The following FCMR variants were observed in gnomAD, a reference collection of about 807,000 sequenced individuals.
FCMR encodes Fc mu receptor.
Under a neutral mutation model 41.6 loss-of-function variants are expected in FCMR, and 34 were observed. That is an observed-to-expected ratio of 0.82 (90% confidence interval 0.62 to 1.09). FCMR has a LOEUF of 1.09. FCMR is among the 50% of genes least tolerant of loss of function. The probability of loss-of-function intolerance (pLI) is 0.00; values close to 1 mark genes in which losing one functional copy is unlikely to be tolerated. For synonymous variants in FCMR, 209 were observed against 211.8 expected, an observed-to-expected ratio of 0.99 and a Z score of 0.12; for missense variants, 496 against 512.5, an observed-to-expected ratio of 0.97 and a Z score of 0.31.
chr1:206,907,637 C>T, intron 7 of FCMR: 1 of 759,252 alleles, frequency 1.3e-6, no homozygotes, highest in Non-Finnish European at 2.4e-6. Flanking sequence ...GGTGCAGGTC[C>T]TGGTGCTTGA....
At position 206,913,818 on chromosome 1, in the gene FCMR, C is replaced by T; in HGVS notation, c.314G>A (p.Gly105Glu). 1 of 1,614,214 alleles carries T rather than the reference C, an allele frequency of 6.2e-7. No individual in the cohort carries two copies. Among genetic ancestry groups the T allele is most frequent in the Non-Finnish European group, 8.5e-7 (1 of 1,180,032 alleles). ...TESDSGVYAC[G>E]AGMNTDRGKT... ...TCCCCGGTCTGTGTTCATGCCCGCT[C>T]CGCAGGCATAGACTCCGCTGTCACT... is the stretch of plus-strand genomic sequence containing the variant. Residue 105 changes from glycine to glutamate, a missense_variant, in exon 2 of 8, where the codon GGA (glycine) becomes GAA (glutamate). Transcript: ENST00000367091.
rs200620995 is a variant in FCMR at position 206,913,949 on chromosome 1, C to T, written c.183G>A (p.Val61=). The change falls in exon 2 of 8, where the codon GTG becomes GTA. Residue 61 remains valine (V), a synonymous_variant. Transcript: ENST00000367091. ...EMAGSGTCGT[V]VSTTNFIKAE... ...CCTTGATGAAGTTGGTGGTGGATAC[C>T]ACGGTACCACATGTTCCAGATCCAG... 1.2e-6 allele frequency: 2 copies of T among 1,614,180 alleles called. No individual in the cohort carries two copies. Among genetic ancestry groups the T allele is most frequent in the Non-Finnish European group, 8.5e-7 (1 of 1,180,032 alleles).
rs1190595671 is a variant in FCMR, at chr1:206,909,389, C to T, written c.1044+73G>A. ...GGCGGCGGCGGCGCGGGAAGCCACA[C>T]TCGGGTCCCCGCCCAGGGCTGGGGC... On this transcript the variant is annotated intron_variant, in intron 7 of 7. Coordinates refer to ENST00000367091, the MANE Select transcript of FCMR (RefSeq NM_005449.5). The surrounding 1 kb of genome is among the most constrained non-coding windows in gnomAD (Gnocchi z 5.0). 2.9e-5 allele frequency: 28 copies of T among 965,564 alleles called. No individual in the cohort carries two copies. In the East Asian group the frequency reaches 8.5e-4, roughly 29 times the overall value. The allele number at this position is 965,564 out of a possible 1,614,324, so 59.8% of individuals were successfully genotyped here. A position where few individuals can be genotyped will look rare whatever the true frequency, so the allele number is the denominator to read the frequency against.
intron 1 of FCMR, among the ~76,000 whole-genome samples, chr1:206,918,291 T>C (rs575674357): frequency 2.3e-4 from 35 of 152,214 alleles, no homozygotes; most frequent in African/African-American, 7.7e-4. Context: ...CCTCTCCTTC[T>C]CTCCTGCCTC....
At chr1:206,917,806 T>G (rs2102574654) in intron 1 of FCMR, 2 of 454,566 alleles carry the variant, frequency 4.4e-6, no homozygotes, top group South Asian at 1.6e-5. Context: ...TTTTTTTTTT[T>G]TTTAGAGATG....
At position 206,903,384 on chromosome 1, in the gene FCMR, ATG is replaced by A. The variant is rs1678475786; in HGVS notation, c.*1633_*1634del. ...TGAAGGCAGCAGAATATTGTGCCCC[ATG>A]CTTCTTTACCCCTCACAATCCTTGC... On this transcript the variant is annotated 3_prime_UTR_variant, in exon 8 of 8. Transcript: ENST00000367091. 3 of 255,470 alleles carry A rather than the reference ATG, an allele frequency of 1.2e-5. No individual in the cohort carries two copies. Among genetic ancestry groups the A allele is most frequent in the Non-Finnish European group, 2.3e-5 (3 of 129,742 alleles). 15.8% of individuals were successfully genotyped at this position (255,470 alleles called of 1,614,324 possible). A position where few individuals can be genotyped will look rare whatever the true frequency, so the allele number is the denominator to read the frequency against.
chr1:206,916,530 T>G lies in FCMR; in HGVS notation c.38-2436A>C, dbSNP rs114785955. On this transcript the variant is annotated intron_variant, in intron 1 of 7. Transcript: ENST00000367091. ...CCTGGCTTGCCTGTTCGGCTGCTTGTGCAGACCCTAGACGGATGAAGTGCA... is the reference window on the plus strand; with the variant it reads ...CCTGGCTTGCCTGTTCGGCTGCTTGGGCAGACCCTAGACGGATGAAGTGCA... Among the ~76,000 whole-genome samples, 717 of 152,320 alleles carry G rather than the reference T, an allele frequency of 4.7e-3. 4 individuals are homozygous for G. The highest frequency in any genetic ancestry group is 0.016 in the African/African-American group (684 of 41,560).
At chr1:206,910,741 T>C (rs1029165572) in intron 4 of FCMR, among the ~76,000 whole-genome samples, 4 of 152,246 alleles carry the variant, frequency 2.6e-5, no homozygotes, top group African/African-American at 9.6e-5. Context: ...TAGTTCCTTA[T>C]AATGGTGGGG....
At chr1:206,917,360 A>G (rs1211263493) in intron 1 of FCMR, among the ~76,000 whole-genome samples, 1 of 151,940 alleles carries the variant, frequency 6.6e-6, no homozygotes, top group South Asian at 2.1e-4. Flanking sequence ...TTTTTTTTTG[A>G]AGGATGAGAA....
In FCMR at chr1:206,903,363, G is replaced by A. The variant is rs1678474896; in HGVS notation, c.*1656C>T. The A allele has an allele frequency of 3.3e-6, 1 of 302,556 alleles. No homozygotes were observed. The highest frequency in any genetic ancestry group is 6.3e-6 in the Non-Finnish European group (1 of 158,474). The allele number at this position is 302,556 out of a possible 1,614,324, so 18.7% of individuals were successfully genotyped here. A position where few individuals can be genotyped will look rare whatever the true frequency, so the allele number is the denominator to read the frequency against. ...TTTGTGAGACTGTAAGTTACATGAA[G>A]GCAGCAGAATATTGTGCCCCATGCT... On this transcript the variant is annotated 3_prime_UTR_variant, in exon 8 of 8. Coordinates refer to ENST00000367091, the MANE Select transcript of FCMR (RefSeq NM_005449.5).
chr1:206,912,743 G>T (rs891864992), intron 3 of FCMR, among the ~76,000 whole-genome samples, 186 bp downstream of exon 3: 28 of 152,222 alleles, frequency 1.8e-4, no homozygotes, highest in African/African-American at 6.5e-4. Context: ...CTGTCGGACA[G>T]GCTTGAAGGA....
intron 2 of FCMR, among the ~76,000 whole-genome samples, chr1:206,913,481 C>T (rs1679032579): frequency 6.6e-6 from 1 of 152,178 alleles, no homozygotes; most frequent in African/African-American, 2.4e-5. Flanking sequence ...CTCAGAGCCT[C>T]TCCTCAATCT....
chr1:206,921,769 C>T (rs1464379435), intron 1 of FCMR, 49 bp downstream of exon 1: 12 of 1,560,238 alleles, frequency 7.7e-6, no homozygotes, highest in Non-Finnish European at 1.1e-5. Context: ...TACTTGTGGC[C>T]AATTCAAGCC....
chr1:206,906,029 T>C (rs541381308), intron 7 of FCMR: 1 of 200,240 alleles, frequency 5.0e-6, no homozygotes, highest in Middle Eastern at 2.2e-3. Flanking sequence ...GCAACAAAAT[T>C]ACATGGTCCT....
At position 206,921,868 on chromosome 1, in the gene FCMR, G is replaced by A. The variant is rs1441262919; in HGVS notation, c.-14C>T. On this transcript the variant is annotated 5_prime_UTR_variant, in exon 1 of 8. Coordinates refer to ENST00000367091, the MANE Select transcript of FCMR (RefSeq NM_005449.5). The stretch of plus-strand genomic sequence containing the variant: ...CCAGAAGTCCATTGTCCCTTCTAGA[G>A]TGCAAGGTCCATCCAAGAGCCCCTA... The A allele has an allele frequency of 1.2e-6, 2 of 1,613,924 alleles. No individual in the cohort carries two copies. The highest frequency in any genetic ancestry group is 1.7e-6 in the Non-Finnish European group (2 of 1,179,832).
intron 1 of FCMR, among the ~76,000 whole-genome samples, chr1:206,916,418 AG>A (rs750702002): frequency 1.3e-5 from 2 of 152,220 alleles, no homozygotes; most frequent in African/African-American, 2.4e-5. Context: ...CACAACGGGC[AG>A]GGGGAAGATA....
chr1:206,918,337 C>G (rs986309192), intron 1 of FCMR, among the ~76,000 whole-genome samples: 3 of 152,152 alleles, frequency 2.0e-5, no homozygotes, highest in African/African-American at 7.2e-5. Flanking sequence ...TGCCTTGGAC[C>G]TGTTCTTTTC....
At chr1:206,910,366 G>C in intron 4 of FCMR, 26 bp from the exon 5 acceptor site, 1 of 1,502,046 alleles carries the variant, frequency 6.7e-7, no homozygotes. Context: ...AAGGGAGAGA[G>C]GGAGGAAGAG....
At chr1:206,917,948 C>T (rs1679262701) in intron 1 of FCMR, 1 of 389,694 alleles carries the variant, frequency 2.6e-6, no homozygotes, top group Non-Finnish European at 5.0e-6. Flanking sequence ...CTCAGTTGAC[C>T]TTTGCCTCCC....
Sources: allele counts gnomAD v4.1 joint callset (sites outside exome capture counted in the v4.1 genomes callset), GRCh38; gene constraint gnomAD v4.1.1; non-coding constraint Gnocchi (gnomAD v3.1); transcripts MANE v1.5; gene names NCBI Gene and HGNC (gene_info 2026-07-23, HGNC 2026-07-21).